RAG1: variants seen among roughly 807,000 people sequenced by gnomAD.
The protein encoded by RAG1 is recombination activating 1.
RAG1 carries 35 observed loss-of-function variants against 62.7 expected under a neutral mutation model. The ratio of observed to expected loss-of-function variants is 0.56; its 90% CI spans 0.43 to 0.74. The LOEUF (loss-of-function observed/expected upper bound fraction) is 0.74, where lower values mean the gene tolerates loss of function less well. RAG1 is among the 30% of genes least tolerant of loss of function. The probability of loss-of-function intolerance (pLI) is 0.00; values close to 1 mark genes in which losing one functional copy is unlikely to be tolerated. For missense variants in RAG1, 1,169 were observed against 1,278.6 expected, an observed-to-expected ratio of 0.91 and a Z score of 1.31; for synonymous variants, 461 against 470.3, an observed-to-expected ratio of 0.98 and a Z score of 0.26.
chr11:36,525,440 A>T (rs1205524756), intron 2 of RAG1, among the ~76,000 whole-genome samples: 3 of 152,126 alleles, frequency 2.0e-5, no homozygotes, highest in African/African-American at 7.2e-5. Context: ...TCTTGCCAGT[A>T]TTTTGGTAAG....
rs151077440 is a variant in RAG1, at chr11:36,574,368, T to C, written c.1064T>C (p.Met355Thr). 1.4e-4 allele frequency: 220 copies of C among 1,614,196 alleles called. No homozygotes were observed. The Middle Eastern group carries it at 1.8e-3, about 13-fold the overall frequency. The change falls in exon 2 of 2, where the codon ATG (methionine) becomes ACG (threonine). Residue 355 changes from methionine (M) to threonine (T), a missense_variant. Around this residue, in one of 2 missense-constraint regions of RAG1, gnomAD observed 800 missense variants for 943.3 expected, o/e 0.85. Transcript: ENST00000299440. ...KSFLSVLNSL[M>T]VKCPAKECNE... ...TTTCTGAGCGTCTTGAATTCCCTGA[T>C]GGTGAAATGTCCAGCAAAAGAGTGC...
At chr11:36,515,924 C>T (rs1312581948) in intron 1 of RAG1, among the ~76,000 whole-genome samples, 1 of 152,166 alleles carries the variant, frequency 6.6e-6, no homozygotes, top group Non-Finnish European at 1.5e-5. Flanking sequence ...TATGTGCCCT[C>T]CTTCTCCGTT....
rs537071082 is a variant in RAG1, at chr11:36,558,746, G to A, written c.-411-4639G>A. Among the ~76,000 whole-genome samples, 4 of 152,230 alleles carry A rather than the reference G, an allele frequency of 2.6e-5. No homozygotes were observed. The South Asian group carries it at 8.3e-4, about 32-fold the overall frequency. ...CAACAGTCTATCTCTCTTAATTGAG[G>A]AACTTAATTCATTCACTTTCAATGT... On this transcript the variant is annotated intron_variant and NMD_transcript_variant, in intron 3 of 9. Coordinates refer to the RAG1 transcript ENST00000534663.
At position 36,575,629 on chromosome 11, in the gene RAG1, G is replaced by A. The variant is rs766907859; in HGVS notation, c.2325G>A (p.Leu775=). The change falls in exon 2 of 2, where the codon CTG becomes CTA. Residue 775 remains leucine, a synonymous_variant. Transcript: ENST00000299440. The surrounding 1 kb of genome is among the most constrained non-coding windows in gnomAD (Gnocchi z 4.1). ...CTTACCATGAGTCTGTGGAAGAACT[G>A]CGGGATCGGGTGAAAGGGGTCTCAG... The part of the protein sequence containing the change: ...SNPYHESVEE[L]RDRVKGVSAK... 2.1e-5 allele frequency: 34 copies of A among 1,614,218 alleles called. No individual in the cohort carries two copies. In the East Asian group the frequency reaches 7.1e-4, roughly 34 times the overall value.
In RAG1 at chr11:36,575,666, A is replaced by G. The variant is rs752146257; in HGVS notation, c.2362A>G (p.Ile788Val). The change falls in exon 2 of 2, where the codon ATT (isoleucine) becomes GTT (valine). Residue 788 changes from isoleucine (I) to valine (V), a missense_variant. Ile to Val is a conservative substitution (Grantham distance 29). Coordinates refer to ENST00000299440, the MANE Select transcript of RAG1 (RefSeq NM_000448.3). The surrounding 1 kb of genome is among the most constrained non-coding windows in gnomAD (Gnocchi z 4.1). ...RVKGVSAKPF[I>V]ETVPSIDALH... ...GAAAGGGGTCTCAGCTAAACCTTTCATTGAGACAGTCCCTTCCATAGATGC... is the reference window on the plus strand; with the variant it reads ...GAAAGGGGTCTCAGCTAAACCTTTCGTTGAGACAGTCCCTTCCATAGATGC... 1.2e-6 allele frequency: 2 copies of G among 1,614,182 alleles called. No homozygotes were observed. The highest frequency in any genetic ancestry group is 2.2e-5 in the South Asian group (2 of 91,076).
At chr11:36,514,629 G>A (rs1009960127) in intron 1 of RAG1, among the ~76,000 whole-genome samples, 3 of 152,250 alleles carry the variant, frequency 2.0e-5, no homozygotes, top group African/African-American at 4.8e-5. Context: ...TGGGGGTGAT[G>A]AGAGACAGTG....
At chr11:36,542,034 C>T (rs1248251657) in intron 3 of RAG1, among the ~76,000 whole-genome samples, 2 of 152,116 alleles carry the variant, frequency 1.3e-5, no homozygotes, top group African/African-American at 4.8e-5. Context: ...GGTGTGCCTG[C>T]CTATCAGACA....
chr11:36,533,843 TTTAA>T (rs1860289368), intron 2 of RAG1, among the ~76,000 whole-genome samples: 1 of 152,176 alleles, frequency 6.6e-6, no homozygotes, highest in Middle Eastern at 3.4e-3. Flanking sequence ...ATTAATTATA[TTTAA>T]TTATTTATTA....
downstream of RAG1, among the ~76,000 whole-genome samples, chr11:36,540,418 T>C (rs1860397473): frequency 1.3e-5 from 2 of 152,310 alleles, no homozygotes; most frequent in South Asian, 2.1e-4. Flanking sequence ...TATTTATTTA[T>C]TTTTGCGACG....
intron 1 of RAG1, among the ~76,000 whole-genome samples, chr11:36,572,279 A>T (rs1473993871): frequency 3.3e-5 from 5 of 152,322 alleles, no homozygotes; most frequent in South Asian, 4.1e-4. Flanking sequence ...GGAAAGATTG[A>T]TCTAATTGGG....
At position 36,546,970 on chromosome 11, in the gene RAG1, A is replaced by G. The variant is rs569902817; in HGVS notation, c.-412+10936A>G. On this transcript the variant is annotated intron_variant and NMD_transcript_variant, in intron 3 of 9. Transcript: ENST00000534663. Reference sequence around the variant, plus strand: ...CCCTTTTGTGGGTAATCCGACCTCTATCTCTGGCTGCCCTTAACATTTTTT... The same window carrying G: ...CCCTTTTGTGGGTAATCCGACCTCTGTCTCTGGCTGCCCTTAACATTTTTT... Among the ~76,000 whole-genome samples, 35 of 151,596 alleles carry G rather than the reference A, an allele frequency of 2.3e-4. 1 individual carries two copies. In the Middle Eastern group the frequency reaches 0.01, roughly 44 times the overall value.
At position 36,576,183 on chromosome 11, in the gene RAG1, CAAGTGAGGGA is replaced by C. The variant is rs1195475275; in HGVS notation, c.2882_2891del (p.Ser961MetfsTer14). 1.2e-6 allele frequency: 2 copies of C among 1,613,982 alleles called. No homozygotes were observed. Among genetic ancestry groups the C allele is most frequent in the African/African-American group, 2.7e-5 (2 of 74,906 alleles). On this transcript the variant is annotated frameshift_variant, in exon 2 of 2. Coordinates refer to ENST00000299440, the MANE Select transcript of RAG1 (RefSeq NM_000448.3). LOFTEE classifies it high-confidence loss of function. ...AGGGATGGCTCCATTGGGGCATGGG[CAAGTGAGGGA>C]AATGAGTCTGGTAACAAACTGTTTA...
chr11:36,563,432 A>C (rs1427118390), upstream of RAG1: 1 of 152,008 alleles, frequency 6.6e-6, no homozygotes, highest in African/African-American at 2.4e-5. Context: ...ACTGAATTAC[A>C]CTACGGATTT....
chr11:36,532,262 T>C (rs568316161), intron 2 of RAG1, among the ~76,000 whole-genome samples: 95 of 152,294 alleles, frequency 6.2e-4, no homozygotes, highest in African/African-American at 2.2e-3. Flanking sequence ...TAATATTTTA[T>C]GTGTTAATAT....
intron 2 of RAG1, among the ~76,000 whole-genome samples, chr11:36,524,273 T>C (rs1482996970): frequency 6.6e-6 from 1 of 150,932 alleles, no homozygotes; most frequent in Admixed American, 6.6e-5. Context: ...CACACCAACA[T>C]GGCACATGTA....
chr11:36,561,943 G>T (rs1850590304), intron 3 of RAG1, among the ~76,000 whole-genome samples: 1 of 152,196 alleles, frequency 6.6e-6, no homozygotes, highest in Non-Finnish European at 1.5e-5. Flanking sequence ...CAGAGAGAAT[G>T]GCCAATGTCA....
intron 2 of RAG1, among the ~76,000 whole-genome samples, chr11:36,527,825 T>C (rs1045243753): frequency 1.3e-5 from 2 of 152,170 alleles, no homozygotes; most frequent in African/African-American, 4.8e-5. Flanking sequence ...TTTTATTCTC[T>C]TTGTGGCAAT....
In RAG1 at chr11:36,576,774, C is replaced by G. The variant is rs1180839035; in HGVS notation, c.*338C>G. On this transcript the variant is annotated 3_prime_UTR_variant, in exon 2 of 2. Transcript: ENST00000299440. ...AATCAAAGCCAAGGTTGTCAAAGAA[C>G]AGCCAGTGAGGCCAGGAAAGAAATT... 1 of 297,654 alleles carries G rather than the reference C, an allele frequency of 3.4e-6. No individual in the cohort carries two copies. The highest frequency in any genetic ancestry group is 6.7e-6 in the Non-Finnish European group (1 of 149,736). 18.4% of individuals were successfully genotyped at this position (297,654 alleles called of 1,614,324 possible).
At chr11:36,525,688 T>C (rs891174268) in intron 2 of RAG1, among the ~76,000 whole-genome samples, 2 of 152,212 alleles carry the variant, frequency 1.3e-5, no homozygotes, top group African/African-American at 2.4e-5. Context: ...AAATAAATCA[T>C]TTTCCAGTGT....
Sources: gnomAD v4.1 joint callset for allele counts (sites outside exome capture counted in the v4.1 genomes callset) on GRCh38, gnomAD v4.1.1 for gene constraint, gnomAD v4.1.1 regional missense constraint, Gnocchi (gnomAD v3.1) non-coding constraint, MANE v1.5 for transcripts, NCBI Gene and HGNC (gene_info 2026-07-23, HGNC 2026-07-21) for gene names.